The following ANKRD55 variants were observed in gnomAD, a reference collection of about 807,000 sequenced individuals.
ANKRD55 encodes the protein ankyrin repeat domain-containing protein 55.
In ANKRD55, 41 loss-of-function variants were observed where a neutral mutation model predicts 60.6. That is an observed-to-expected ratio of 0.68 (90% CI 0.53 to 0.88). ANKRD55 has a LOEUF of 0.88. ANKRD55 is among the 40% of genes least tolerant of loss of function. ANKRD55 has a pLI of 0.00. For synonymous variants in ANKRD55, 264 were observed against 290.3 expected (o/e 0.91, Z 0.92); for missense variants, 732 against 767.6 (o/e 0.95, Z 0.55).
intron 3 of ANKRD55, among the ~76,000 whole-genome samples, chr5:56,178,516 A>T (rs1287784719): frequency 6.6e-6 from 1 of 151,878 alleles, no homozygotes; most frequent in African/African-American, 2.4e-5. Flanking sequence ...AAATAAAACA[A>T]GTAAGACAGT....
intron 7 of ANKRD55, among the ~76,000 whole-genome samples, chr5:56,141,130 G>GGTT (rs1554039007): frequency 8.9e-6 from 1 of 111,774 alleles, no homozygotes; most frequent in Admixed American, 1.1e-4. Flanking sequence ...TGCACACACA[G>GGTT]TTTTTTTTTT....
At chr5:56,188,514 T>C (rs1310733927) in intron 2 of ANKRD55, among the ~76,000 whole-genome samples, 3 of 152,176 alleles carry the variant, frequency 2.0e-5, no homozygotes, top group Non-Finnish European at 2.9e-5. Flanking sequence ...GAGATAGGGG[T>C]CTAGTTTTAT....
Position 56,183,566 on chromosome 5 carries a change from G to A in ANKRD55, c.127C>T (p.Leu43=). 6.2e-7 allele frequency: 1 copy of A among 1,614,176 alleles called. No individual in the cohort carries two copies. The highest frequency in any genetic ancestry group is 2.2e-5 in the East Asian group (1 of 44,888). Residue 43 remains leucine (L), a synonymous_variant, in exon 3 of 12, where the codon CTG becomes TTG. Transcript: ENST00000341048. ...QAASNGDVNA[L]TAVIREDPSI... is the part of the protein sequence containing the mutation. ...GGGTCTTCCCGAATCACTGCAGTCA[G>A]AGCATTGACATCTCCATTAGAGGCT...
rs138993699 is a variant in ANKRD55, at chr5:56,196,329, C to A, written c.59-12695G>T. Among the ~76,000 whole-genome samples the A allele has an allele frequency of 3.3e-4, 50 of 152,218 alleles. No individual in the cohort carries two copies. In the East Asian group the frequency reaches 7.9e-3, roughly 24 times the overall value. On this transcript the variant is annotated intron_variant, in intron 2 of 11. Transcript: ENST00000341048. ...CTATTACCTTGGAGTGTAGCTATTG[C>A]ATTTAAGTGAATAAAAAATTTGCTT...
At chr5:56,229,423 C>A (rs1760194739) in intron 2 of ANKRD55, among the ~76,000 whole-genome samples, 2 of 152,106 alleles carry the variant, frequency 1.3e-5, no homozygotes, top group Admixed American at 1.3e-4. Context: ...GCAAAGCCAG[C>A]CAGAGACCAT....
chr5:56,167,695 T>C (rs1247035007), intron 5 of ANKRD55, among the ~76,000 whole-genome samples: 1 of 152,240 alleles, frequency 6.6e-6, no homozygotes, highest in Non-Finnish European at 1.5e-5. Context: ...ATGTTTATTT[T>C]TCTTATTTCA....
At chr5:56,166,086 T>TTTCTCTTTC (rs1554040776) in intron 5 of ANKRD55, among the ~76,000 whole-genome samples, 3 of 91,772 alleles carry the variant, frequency 3.3e-5, no homozygotes, top group East Asian at 3.4e-4. Context: ...TTTCTTTTCT[T>TTTCTCTTTC]TTTCTTTCTT....
At chr5:56,194,184 C>T (rs538888266) in intron 2 of ANKRD55, among the ~76,000 whole-genome samples, 34 of 152,008 alleles carry the variant, frequency 2.2e-4, no homozygotes, top group African/African-American at 5.6e-4. Flanking sequence ...GGCGTGGTGG[C>T]GCGCACCTGT....
chr5:56,221,414 G>A (rs573862834), intron 2 of ANKRD55, among the ~76,000 whole-genome samples: 14 of 152,290 alleles, frequency 9.2e-5, no homozygotes, highest in South Asian at 8.3e-4. Context: ...AGCTCCCAGC[G>A]TGAGTGACGC....
At chr5:56,122,700 T>C (rs1407330070) in intron 8 of ANKRD55, among the ~76,000 whole-genome samples, 1 of 151,716 alleles carries the variant, frequency 6.6e-6, no homozygotes, top group South Asian at 2.1e-4. Flanking sequence ...GATTAAGTAC[T>C]GATGTCACAA....
chr5:56,187,633 C>T (rs769914802), intron 2 of ANKRD55, among the ~76,000 whole-genome samples: 2 of 152,242 alleles, frequency 1.3e-5, no homozygotes, highest in Non-Finnish European at 2.9e-5. Context: ...CCTGATCCAG[C>T]GAGGCACCCA....
chr5:56,150,815 C>T (rs147860821), intron 6 of ANKRD55, among the ~76,000 whole-genome samples: 4,063 of 152,298 alleles, frequency 0.027, 175 homozygotes, highest in African/African-American at 0.091. Context: ...AGGAGAATCA[C>T]TTGAACCCTG....
chr5:56,181,492 TGGTTAATTC>T (rs1758848030), intron 3 of ANKRD55, among the ~76,000 whole-genome samples: 1 of 152,220 alleles, frequency 6.6e-6, no homozygotes, highest in South Asian at 2.1e-4. Flanking sequence ...CTGCCTTAGT[TGGTTAATTC>T]GGTGGATTAC....
chr5:56,115,228 A>ATAAATAAATAAATAAATAAATAAG (rs1756852414), intron 9 of ANKRD55, among the ~76,000 whole-genome samples: 1 of 150,734 alleles, frequency 6.6e-6, no homozygotes, highest in African/African-American at 2.4e-5. Flanking sequence ...AAATAAATAA[A>ATAAATAAATAAATAAATAAATAAG]TAAATAAATA....
intron 2 of ANKRD55, among the ~76,000 whole-genome samples, chr5:56,220,661 A>G (rs1262572851): frequency 6.6e-6 from 1 of 152,070 alleles, no homozygotes; most frequent in East Asian, 1.9e-4. Flanking sequence ...AAAAATACGA[A>G]AATTAGATGG....
At chr5:56,121,727 G>A (rs921225406) in intron 8 of ANKRD55, among the ~76,000 whole-genome samples, 7 of 152,106 alleles carry the variant, frequency 4.6e-5, no homozygotes, top group Non-Finnish European at 7.4e-5. Flanking sequence ...GGGAATGGGA[G>A]CCTTTCACTC....
At chr5:56,220,300 A>G (rs3857294) in intron 2 of ANKRD55, among the ~76,000 whole-genome samples, 20,248 of 152,202 alleles carry the variant, frequency 0.13, 2,542 homozygotes, top group African/African-American at 0.33. Flanking sequence ...GTCCATAAGA[A>G]GAGCCATAAA....
At chr5:56,161,200 C>T (rs996515181) in intron 5 of ANKRD55, among the ~76,000 whole-genome samples, 2 of 151,410 alleles carry the variant, frequency 1.3e-5, no homozygotes, top group African/African-American at 4.9e-5. Context: ...GTTTCTAACT[C>T]AGTAGGTCTG....
chr5:56,162,471 C>T (rs896743822), intron 5 of ANKRD55, among the ~76,000 whole-genome samples: 6 of 152,140 alleles, frequency 3.9e-5, no homozygotes, highest in African/African-American at 1.4e-4. Context: ...ATTTCTCTAC[C>T]AAAGGCCTCA....
Sources: allele counts gnomAD v4.1 joint callset (sites outside exome capture counted in the v4.1 genomes callset), GRCh38; gene constraint gnomAD v4.1.1; transcripts MANE v1.5; gene names NCBI Gene and HGNC (gene_info 2026-07-23, HGNC 2026-07-21).